Variants in NRP1 observed in about 807,000 individuals in gnomAD.
NRP1 encodes neuropilin 1.
NRP1 carries 35 observed loss-of-function variants against 106.7 expected under a neutral mutation model. The ratio of observed to expected loss-of-function variants is 0.33; its 90% CI spans 0.25 to 0.43. NRP1 has a LOEUF of 0.43. Ranked by LOEUF, NRP1 falls within the 20% of genes least tolerant of loss-of-function variation. The probability of loss-of-function intolerance (pLI) is 1.00; values close to 1 mark genes in which losing one functional copy is unlikely to be tolerated. For missense variants in NRP1, 1,024 were observed against 1,170.4 expected, an observed-to-expected ratio of 0.87 and a Z score of 1.83; for synonymous variants, 437 against 417.9, an observed-to-expected ratio of 1.05 and a Z score of -0.56.
In NRP1 at chr10:33,326,133, C is replaced by G. The variant is rs144528535; in HGVS notation, c.248+4575G>C. Among the ~76,000 whole-genome samples the G allele has an allele frequency of 8.8e-4, 134 of 152,252 alleles. 3 individuals carry two copies. In the East Asian group the frequency reaches 0.024, roughly 27 times the overall value. On this transcript the variant is annotated intron_variant, in intron 2 of 16. Transcript: ENST00000374867. ...TTTGCTCAGCAGTATTTGTCACAAACCATTATAAATTATCATGCTGATTGT... is the reference window on the plus strand; with the variant it reads ...TTTGCTCAGCAGTATTTGTCACAAAGCATTATAAATTATCATGCTGATTGT...
intron 15 of NRP1, among the ~76,000 whole-genome samples, chr10:33,185,412 C>T (rs749470445): frequency 1.3e-5 from 2 of 152,196 alleles, no homozygotes; most frequent in Non-Finnish European, 2.9e-5. Flanking sequence ...AGGTATCAAG[C>T]AGCCATTATG....
At chr10:33,224,548 CT>C (rs34104704) in intron 7 of NRP1, among the ~76,000 whole-genome samples, 175 of 143,094 alleles carry the variant, frequency 1.2e-3, no homozygotes, top group Middle Eastern at 3.8e-3. Flanking sequence ...CCATTTTGTT[CT>C]TTTTTTTTTT....
At chr10:33,202,568 G>GGGT (rs1837410760) in intron 11 of NRP1, 3 of 1,120,908 alleles carry the variant, frequency 2.7e-6, no homozygotes, top group South Asian at 3.7e-5. Context: ...ACGTGTTATT[G>GGGT]GGGGGGGGTC....
chr10:33,243,933 TTGTGTGTGTG>T (rs112554908), intron 6 of NRP1, among the ~76,000 whole-genome samples: 38 of 141,438 alleles, frequency 2.7e-4, no homozygotes, highest in African/African-American at 8.9e-4. Context: ...GGGTAGAGGT[TTGTGTGTGTG>T]TGTGTGTGTG....
chr10:33,219,705 G>A (rs994592831), intron 8 of NRP1, among the ~76,000 whole-genome samples: 10 of 152,040 alleles, frequency 6.6e-5, no homozygotes, highest in Admixed American at 2.0e-4. Context: ...GGACAGTTTA[G>A]GTATAAAAAA....
chr10:33,298,906 A>G (rs1211388867), intron 2 of NRP1, among the ~76,000 whole-genome samples: 1 of 152,126 alleles, frequency 6.6e-6, no homozygotes, highest in Non-Finnish European at 1.5e-5. Context: ...CCCACTAATC[A>G]AAATACTCTC....
At chr10:33,278,879 G>A (rs1046528694) in intron 2 of NRP1, among the ~76,000 whole-genome samples, 5 of 152,134 alleles carry the variant, frequency 3.3e-5, no homozygotes, top group African/African-American at 1.2e-4. Context: ...TAAGAAAACT[G>A]ATGATTAATT....
At chr10:33,239,158 G>C (rs372114384) in intron 6 of NRP1, among the ~76,000 whole-genome samples, 1 of 151,750 alleles carries the variant, frequency 6.6e-6, no homozygotes, top group African/African-American at 2.4e-5. Flanking sequence ...AGGTGTAGTG[G>C]CATGCTCCTG....
chr10:33,213,314 G>C (rs755653819), intron 9 of NRP1, 72 bp downstream of exon 9: 1 of 1,614,122 alleles, frequency 6.2e-7, no homozygotes, highest in Non-Finnish European at 8.5e-7. Flanking sequence ...CCCTTCCTCG[G>C]GAGAATGCCA....
intron 6 of NRP1, chr10:33,249,359 T>G (rs1841676467): frequency 2.3e-6 from 1 of 442,968 alleles, no homozygotes; most frequent in Non-Finnish European, 4.5e-6. Context: ...AAGGAAAAAC[T>G]GAAACTGCAT....
intron 2 of NRP1, among the ~76,000 whole-genome samples, chr10:33,300,815 C>T (rs1845750763): frequency 6.6e-6 from 1 of 152,190 alleles, no homozygotes; most frequent in African/African-American, 2.4e-5. Context: ...TTCTCCTGCC[C>T]TTTCCAGACT....
At chr10:33,325,589 C>A (rs1847828359) in intron 2 of NRP1, among the ~76,000 whole-genome samples, 1 of 152,046 alleles carries the variant, frequency 6.6e-6, no homozygotes, top group Non-Finnish European at 1.5e-5. Context: ...TTTTTCATTC[C>A]ATAAGTTTAT....
intron 6 of NRP1, among the ~76,000 whole-genome samples, chr10:33,252,009 A>G (rs1841899101): frequency 6.6e-6 from 1 of 152,164 alleles, no homozygotes; most frequent in Admixed American, 6.6e-5. Flanking sequence ...GCATTTTCCA[A>G]GACCACCATG....
At chr10:33,324,830 G>A (rs78055019) in intron 2 of NRP1, among the ~76,000 whole-genome samples, 1 of 152,124 alleles carries the variant, frequency 6.6e-6, no homozygotes, top group Non-Finnish European at 1.5e-5. Flanking sequence ...TAGAGACGGG[G>A]TTTCACCATG....
chr10:33,178,174 T>A lies in NRP1; in HGVS notation c.*1902A>T, dbSNP rs1221398291. 2 of 152,628 alleles carry A rather than the reference T, an allele frequency of 1.3e-5. No homozygotes were observed. The highest frequency in any genetic ancestry group is 2.4e-5 in the African/African-American group (1 of 41,478). The allele number at this position is 152,628 out of a possible 1,614,324, so 9.5% of individuals were successfully genotyped here. On this transcript the variant is annotated 3_prime_UTR_variant, in exon 17 of 17. Transcript: ENST00000374867. ...TCCAATTTAACTAAGATGAATGGACTGTCTCGTCTATGATGCAAATGTGAC... is the reference window on the plus strand; with the variant it reads ...TCCAATTTAACTAAGATGAATGGACAGTCTCGTCTATGATGCAAATGTGAC...
chr10:33,306,003 G>A (rs542473100), intron 2 of NRP1, among the ~76,000 whole-genome samples: 9 of 152,136 alleles, frequency 5.9e-5, no homozygotes, highest in Middle Eastern at 3.4e-3. Context: ...TCCTCACCTC[G>A]TGATCTGCCT....
Position 33,177,677 on chromosome 10 carries a change from T to C in NRP1, c.*2399A>G, listed in dbSNP as rs1835459619. The C allele has an allele frequency of 1.3e-5, 2 of 152,646 alleles. No homozygotes were observed. The highest frequency in any genetic ancestry group is 4.8e-5 in the African/African-American group (2 of 41,462). The allele number at this position is 152,646 out of a possible 1,614,324, so 9.5% of individuals were successfully genotyped here. On this transcript the variant is annotated 3_prime_UTR_variant, in exon 17 of 17. Coordinates refer to ENST00000374867, the MANE Select transcript of NRP1 (RefSeq NM_003873.7). The stretch of plus-strand genomic sequence containing the variant: ...AAACAACAATTTACAAGTGTCATAT[T>C]GTCATAGAAAATAATAATTTCTGTA...
At chr10:33,205,002 G>A (rs1837651491) in intron 10 of NRP1, among the ~76,000 whole-genome samples, 1 of 152,196 alleles carries the variant, frequency 6.6e-6, no homozygotes, top group Non-Finnish European at 1.5e-5. Flanking sequence ...AAAGTGCTGG[G>A]ATTACAGGCA....
At chr10:33,254,243 G>A (rs762830229) in intron 5 of NRP1, 49 bp from the exon 6 acceptor site, 1 of 1,511,948 alleles carries the variant, frequency 6.6e-7, no homozygotes, top group East Asian at 2.3e-5. Context: ...GGGGATTTAA[G>A]ATGCATTTTT....
Sources: allele counts gnomAD v4.1 joint callset (sites outside exome capture counted in the v4.1 genomes callset), GRCh38; gene constraint gnomAD v4.1.1; transcripts MANE v1.5; gene names NCBI Gene and HGNC (gene_info 2026-07-23, HGNC 2026-07-21).